Variants in CFAP276 observed in about 807,000 individuals in gnomAD.
The protein encoded by CFAP276 is cilia and flagella associated protein 276.
the CFAP276 span, chr1:109,107,242 C>A: frequency 1.4e-6 from 1 of 728,408 alleles, no homozygotes; most frequent in South Asian, 1.7e-5. Context: ...GCCTGAAATC[C>A]ACCAACTCCG....
At chr1:109,106,097 C>G in the CFAP276 span, 1 of 1,610,712 alleles carries the variant, frequency 6.2e-7, no homozygotes, top group African/African-American at 1.3e-5. Flanking sequence ...TGTGAGGGGA[C>G]ACTGTGGAGA....
chr1:109,112,875 G>A, the CFAP276 span: 1 of 853,284 alleles, frequency 1.2e-6, no homozygotes, highest in African/African-American at 1.7e-5. Context: ...GGCCCCTGGG[G>A]AGGAAGCTCC....
chr1:109,109,621 C>T, the CFAP276 span, among the ~76,000 whole-genome samples: 86 of 146,316 alleles, frequency 5.9e-4, no homozygotes, highest in Non-Finnish European at 9.8e-4. Context: ...ACTGCAACCT[C>T]CGCCTCCTGG....
chr1:109,111,966 C>T, the CFAP276 span, among the ~76,000 whole-genome samples: 95 of 152,252 alleles, frequency 6.2e-4, no homozygotes, highest in Middle Eastern at 3.4e-3. Context: ...ATATCCTTGG[C>T]GTTTAGCAGA....
At chr1:109,108,593 G>A in the CFAP276 span, among the ~76,000 whole-genome samples, 2 of 152,186 alleles carry the variant, frequency 1.3e-5, no homozygotes, top group African/African-American at 4.8e-5. Context: ...TGGGATGAGG[G>A]GAGTGAAGAG....
chr1:109,109,354 G>A, the CFAP276 span, among the ~76,000 whole-genome samples: 1 of 151,168 alleles, frequency 6.6e-6, no homozygotes, highest in East Asian at 2.0e-4. Flanking sequence ...AGGCTGAGGA[G>A]GGAGAATCGC....
At chr1:109,109,074 C>T in the CFAP276 span, among the ~76,000 whole-genome samples, 5 of 152,176 alleles carry the variant, frequency 3.3e-5, no homozygotes, top group South Asian at 2.1e-4. Context: ...GTTCCTAGCA[C>T]ACTACCTAAC....
the CFAP276 span, chr1:109,107,075 G>A: frequency 6.2e-7 from 1 of 1,614,162 alleles, no homozygotes; most frequent in Non-Finnish European, 8.5e-7. Flanking sequence ...TCCCAGTGTG[G>A]TGGTTGTACA....
chr1:109,107,208 A>G, the CFAP276 span: 9 of 997,720 alleles, frequency 9.0e-6, no homozygotes, highest in African/African-American at 9.6e-5. Flanking sequence ...CTCTTCCCCA[A>G]AAGTATAGTG....
At chr1:109,111,402 C>T in the CFAP276 span, among the ~76,000 whole-genome samples, 2 of 151,168 alleles carry the variant, frequency 1.3e-5, no homozygotes, top group South Asian at 2.1e-4. Context: ...CCCAGGAGTT[C>T]GAGGCTGCAG....
At chr1:109,111,002 C>T in the CFAP276 span, among the ~76,000 whole-genome samples, 1 of 152,210 alleles carries the variant, frequency 6.6e-6, no homozygotes, top group African/African-American at 2.4e-5. Context: ...CTCACATCTG[C>T]ACCTGATCAC....
At chr1:109,107,400 T>C in the CFAP276 span, among the ~76,000 whole-genome samples, 1 of 152,228 alleles carries the variant, frequency 6.6e-6, no homozygotes, top group Non-Finnish European at 1.5e-5. Context: ...ATGTTTATAT[T>C]CAGTCCTTGT....
the CFAP276 span, chr1:109,107,819 G>T: frequency 5.3e-6 from 5 of 943,714 alleles, no homozygotes; most frequent in Admixed American, 2.6e-5. Flanking sequence ...TTCAGGCTAC[G>T]GTAAACCATG....
the CFAP276 span, chr1:109,106,891 C>A: frequency 1.1e-6 from 1 of 927,152 alleles, no homozygotes; most frequent in Non-Finnish European, 1.7e-6. Context: ...TGTAAAAATA[C>A]AGAAATTTGT....
the CFAP276 span, chr1:109,112,894 C>G: frequency 1.5e-5 from 10 of 658,132 alleles, no homozygotes; most frequent in African/African-American, 2.0e-4. Context: ...CCGGGGACTG[C>G]AGAGGGAACG....
the CFAP276 span, among the ~76,000 whole-genome samples, chr1:109,110,142 C>G: frequency 6.6e-6 from 1 of 152,130 alleles, no homozygotes; most frequent in African/African-American, 2.4e-5. Flanking sequence ...CAAGAATAAC[C>G]CTTTCTCCCC....
At chr1:109,110,604 G>C in the CFAP276 span, among the ~76,000 whole-genome samples, 4 of 152,166 alleles carry the variant, frequency 2.6e-5, no homozygotes, top group African/African-American at 9.7e-5. Flanking sequence ...CCCTTAGGCA[G>C]TGCTATTCTC....
At chr1:109,113,459 AGAGAGAGAGG>A in the CFAP276 span, among the ~76,000 whole-genome samples, 8 of 134,530 alleles carry the variant, frequency 5.9e-5, 1 homozygote, top group African/African-American at 2.0e-4. Flanking sequence ...AGAGAGAGAG[AGAGAGAGAGG>A]CCCACGTGCG....
At chr1:109,107,119 G>T in the CFAP276 span, 1 of 1,613,812 alleles carries the variant, frequency 6.2e-7, no homozygotes, top group Admixed American at 1.7e-5. Context: ...TCATCCTTTG[G>T]TATCTACAGA....
Sources: allele counts gnomAD v4.1 joint callset (sites outside exome capture counted in the v4.1 genomes callset), GRCh38; gene constraint gnomAD v4.1.1; transcripts MANE v1.5; gene names NCBI Gene and HGNC (gene_info 2026-07-23, HGNC 2026-07-21).